The following GNB4 variants were observed in gnomAD, a reference collection of about 807,000 sequenced individuals.
GNB4 encodes guanine nucleotide-binding protein subunit beta-4.
A neutral mutation model predicts 45.2 loss-of-function variants in GNB4; 28 were observed. That is an observed-to-expected ratio of 0.62 (90% CI 0.46 to 0.85). The LOEUF (loss-of-function observed/expected upper bound fraction) is 0.85. Ranked by LOEUF, GNB4 falls within the 40% of genes least tolerant of loss-of-function variation. GNB4 has a pLI of 0.00. For missense variants in GNB4, 321 were observed against 425.4 expected, an observed-to-expected ratio of 0.75 and a Z score of 2.16; for synonymous variants, 132 against 143.7, an observed-to-expected ratio of 0.92 and a Z score of 0.58.
chr3:179,469,745 A>T, the GNB4 span, among the ~76,000 whole-genome samples: 1 of 152,224 alleles, frequency 6.6e-6, no homozygotes, highest in Non-Finnish European at 1.5e-5. Flanking sequence ...CTCTCTTTCC[A>T]CCACAGTGTT....
chr3:179,527,710 C>T, the GNB4 span, among the ~76,000 whole-genome samples: 1 of 151,880 alleles, frequency 6.6e-6, no homozygotes, highest in South Asian at 2.1e-4. Flanking sequence ...TAGTCTAAGA[C>T]TTACCTACTT....
At chr3:179,519,939 A>G in the GNB4 span, among the ~76,000 whole-genome samples, 1 of 152,108 alleles carries the variant, frequency 6.6e-6, no homozygotes, top group African/African-American at 2.4e-5. Context: ...CTCCCTTTAC[A>G]GTTCCCCCAT....
chr3:179,485,310 C>T, the GNB4 span, among the ~76,000 whole-genome samples: 33 of 152,038 alleles, frequency 2.2e-4, no homozygotes, highest in African/African-American at 7.7e-4. Flanking sequence ...CTGCGCCCGG[C>T]CCATGGCAAC....
rs760894139 is a variant in GNB4 at position 179,413,515 on chromosome 3, A to T, written c.596T>A (p.Phe199Tyr). The change falls in exon 8 of 10, where the codon TTT becomes TAT. Residue 199 changes from phenylalanine to tyrosine, a missense_variant. Coordinates refer to ENST00000232564, the MANE Select transcript of GNB4 (RefSeq NM_021629.4). ...SLSLSPDMRT[F>Y]VSGACDASSK... ...AGAGGCATCACAAGCACCAGAAACAAAAGTCCTCATGTCAGGACTCAAAGA... is the reference window on the plus strand; with the variant it reads ...AGAGGCATCACAAGCACCAGAAACATAAGTCCTCATGTCAGGACTCAAAGA... 1.1e-5 allele frequency: 18 copies of T among 1,613,942 alleles called. No homozygotes were observed. The highest frequency in any genetic ancestry group is 2.7e-5 in the African/African-American group (2 of 74,932).
At chr3:179,469,879 C>T in the GNB4 span, among the ~76,000 whole-genome samples, 3 of 152,310 alleles carry the variant, frequency 2.0e-5, no homozygotes, top group East Asian at 1.9e-4. Context: ...AAGTGACGGA[C>T]GGCATCTTCT....
At chr3:179,460,732 G>A in the GNB4 span, among the ~76,000 whole-genome samples, 1 of 151,896 alleles carries the variant, frequency 6.6e-6, no homozygotes, top group Non-Finnish European at 1.5e-5. Context: ...TCAAATTCCT[G>A]GACTCAAGCG....
At chr3:179,458,563 C>G in the GNB4 span, among the ~76,000 whole-genome samples, 1 of 152,126 alleles carries the variant, frequency 6.6e-6, no homozygotes, top group Non-Finnish European at 1.5e-5. Context: ...GGTTCCAGGA[C>G]CCCCGCGGAT....
the GNB4 span, among the ~76,000 whole-genome samples, chr3:179,470,853 G>T: frequency 6.6e-6 from 1 of 152,098 alleles, no homozygotes; most frequent in Admixed American, 6.5e-5. Context: ...GAGTCAAAAA[G>T]TTTAAAAATA....
chr3:179,521,560 A>G, the GNB4 span, among the ~76,000 whole-genome samples: 1 of 151,980 alleles, frequency 6.6e-6, no homozygotes, highest in Non-Finnish European at 1.5e-5. Flanking sequence ...ACCATTCTCA[A>G]CTACTCATAA....
At chr3:179,517,327 C>T in the GNB4 span, among the ~76,000 whole-genome samples, 1 of 152,066 alleles carries the variant, frequency 6.6e-6, no homozygotes, top group Admixed American at 6.6e-5. Context: ...CTGTAATTTT[C>T]CTTTACCTAC....
the GNB4 span, among the ~76,000 whole-genome samples, chr3:179,499,907 TG>T: frequency 6.6e-6 from 1 of 152,252 alleles, no homozygotes; most frequent in African/African-American, 2.4e-5. Context: ...TCATATCCTT[TG>T]CCCACATTTG....
the GNB4 span, among the ~76,000 whole-genome samples, chr3:179,499,361 G>A: frequency 7.9e-5 from 12 of 151,894 alleles, no homozygotes; most frequent in African/African-American, 2.2e-4. Flanking sequence ...GGGTTTCACC[G>A]TGTTAGCCGG....
the GNB4 span, among the ~76,000 whole-genome samples, chr3:179,468,365 C>G: frequency 9.9e-5 from 15 of 151,816 alleles, no homozygotes; most frequent in African/African-American, 2.7e-4. Context: ...CGTGGTGGCG[C>G]TTGCCTATAA....
At chr3:179,443,961 A>G (rs1277485657) in intron 1 of GNB4, among the ~76,000 whole-genome samples, 1 of 152,134 alleles carries the variant, frequency 6.6e-6, no homozygotes, top group African/African-American at 2.4e-5. Flanking sequence ...GTTTTGTTCT[A>G]CTGCTGATTT....
intron 1 of GNB4, among the ~76,000 whole-genome samples, chr3:179,450,278 G>A (rs1415815616): frequency 2.0e-5 from 3 of 152,208 alleles, no homozygotes; most frequent in Non-Finnish European, 4.4e-5. Context: ...AACAATGGCA[G>A]AGACTCGAAG....
the GNB4 span, among the ~76,000 whole-genome samples, chr3:179,526,169 T>A: frequency 6.6e-6 from 1 of 152,114 alleles, no homozygotes; most frequent in Admixed American, 6.6e-5. Context: ...GGTCACAAGG[T>A]GCTCAGTGGA....
intron 1 of GNB4, among the ~76,000 whole-genome samples, chr3:179,433,763 T>C (rs4854933): frequency 0.034 from 5,154 of 149,550 alleles, 132 homozygotes; most frequent in Non-Finnish European, 0.054. Flanking sequence ...ATTCAAATAA[T>C]GAATTAGCAT....
At chr3:179,457,107 CA>C in the GNB4 span, among the ~76,000 whole-genome samples, 7 of 152,022 alleles carry the variant, frequency 4.6e-5, no homozygotes, top group Non-Finnish European at 1.0e-4. Flanking sequence ...AACAAACAAA[CA>C]AAAAATTAAA....
intron 8 of GNB4, among the ~76,000 whole-genome samples, chr3:179,412,504 C>A (rs1714680663): frequency 6.6e-6 from 1 of 151,954 alleles, no homozygotes; most frequent in Non-Finnish European, 1.5e-5. Flanking sequence ...TAATTTATAC[C>A]ATTTACTGAG....
Sources: gnomAD v4.1 joint callset for allele counts (sites outside exome capture counted in the v4.1 genomes callset) on GRCh38, gnomAD v4.1.1 for gene constraint, MANE v1.5 for transcripts, NCBI Gene and HGNC (gene_info 2026-07-23, HGNC 2026-07-21) for gene names.